The following CNTN5 variants were observed in gnomAD, a reference collection of about 807,000 sequenced individuals.
The protein encoded by CNTN5 is contactin 5.
In CNTN5, 77 loss-of-function variants were observed where a neutral mutation model predicts 129.1. That is an observed-to-expected ratio of 0.60 (90% CI 0.50 to 0.72). The LOEUF (loss-of-function observed/expected upper bound fraction) is 0.72. CNTN5 is among the 30% of genes least tolerant of loss of function. CNTN5 has a pLI of 0.00. For missense variants in CNTN5, 1,478 were observed against 1,328.8 expected, an observed-to-expected ratio of 1.11 and a Z score of -1.75; for synonymous variants, 509 against 465.6, an observed-to-expected ratio of 1.09 and a Z score of -1.20.
chr11:99,159,642 A>G (rs1860508829), intron 1 of CNTN5, among the ~76,000 whole-genome samples: 1 of 152,288 alleles, frequency 6.6e-6, no homozygotes, highest in Middle Eastern at 3.4e-3. Flanking sequence ...TAAATAAACA[A>G]ATAAAGTATA....
At chr11:99,852,033 A>C (rs1947889730) in intron 6 of CNTN5, among the ~76,000 whole-genome samples, 1 of 152,222 alleles carries the variant, frequency 6.6e-6, no homozygotes, top group South Asian at 2.1e-4. Context: ...AACTTTATTA[A>C]ATCATTTGAA....
intron 8 of CNTN5, among the ~76,000 whole-genome samples, chr11:99,958,330 G>T (rs1322074684): frequency 1.3e-5 from 2 of 152,220 alleles, no homozygotes; most frequent in African/African-American, 4.8e-5. Context: ...TTTGGAGTAG[G>T]TGGAGGCTAG....
At chr11:100,080,779 A>G (rs1267010248) in intron 13 of CNTN5, among the ~76,000 whole-genome samples, 1 of 152,134 alleles carries the variant, frequency 6.6e-6, no homozygotes, top group Non-Finnish European at 1.5e-5. Flanking sequence ...GTGTGTAAGA[A>G]ATTGTATAAT....
intron 15 of CNTN5, among the ~76,000 whole-genome samples, chr11:100,194,300 A>G (rs114515600): frequency 0.012 from 1,815 of 152,032 alleles, 39 homozygotes; most frequent in African/African-American, 0.041. Context: ...CCTTCCCCAC[A>G]TGGACTTATT....
chr11:99,861,017 G>A (rs1475372788), intron 6 of CNTN5, among the ~76,000 whole-genome samples: 15 of 144,258 alleles, frequency 1.0e-4, no homozygotes, highest in African/African-American at 2.1e-4. Context: ...GTGCAGTGGC[G>A]CAATCTCATC....
intron 7 of CNTN5, among the ~76,000 whole-genome samples, chr11:99,930,241 A>T (rs920881757): frequency 2.0e-5 from 3 of 152,106 alleles, no homozygotes; most frequent in African/African-American, 7.2e-5. Context: ...TTTGCTCCTT[A>T]CTGCATATGC....
At chr11:99,873,605 A>G (rs987440773) in intron 6 of CNTN5, among the ~76,000 whole-genome samples, 6 of 152,126 alleles carry the variant, frequency 3.9e-5, no homozygotes, top group Non-Finnish European at 8.8e-5. Context: ...ACACTCATAC[A>G]CTGTTGGTAG....
chr11:99,852,355 T>C (rs1947899168), intron 6 of CNTN5, among the ~76,000 whole-genome samples: 1 of 152,222 alleles, frequency 6.6e-6, no homozygotes, highest in South Asian at 2.1e-4. Flanking sequence ...TACTTTAAAA[T>C]ACTGTATAGA....
intron 4 of CNTN5, among the ~76,000 whole-genome samples, chr11:99,828,023 T>C (rs1028854405): frequency 3.3e-5 from 5 of 152,022 alleles, no homozygotes; most frequent in Non-Finnish European, 7.4e-5. Context: ...AAGAGAGTTA[T>C]TGTTTTAATC....
At chr11:100,274,308 A>G (rs1471942478) in intron 18 of CNTN5, among the ~76,000 whole-genome samples, 3 of 152,214 alleles carry the variant, frequency 2.0e-5, no homozygotes, top group African/African-American at 7.2e-5. Context: ...GGTCATAGGA[A>G]CAGGCAAAGA....
At chr11:99,056,009 G>T (rs769936690) in intron 1 of CNTN5, among the ~76,000 whole-genome samples, 4 of 151,872 alleles carry the variant, frequency 2.6e-5, no homozygotes, top group African/African-American at 7.2e-5. Flanking sequence ...TAAGGGCCTC[G>T]TGGCTTTAAA....
At chr11:99,820,617 T>C (rs556931249) in intron 4 of CNTN5, among the ~76,000 whole-genome samples, 1 of 29,504 alleles carries the variant, frequency 3.4e-5, no homozygotes, top group South Asian at 7.4e-4. Context: ...TACTAGTCTC[T>C]ATCCAGTCTA....
chr11:100,198,167 A>G (rs1218913413), intron 15 of CNTN5, among the ~76,000 whole-genome samples: 1 of 151,976 alleles, frequency 6.6e-6, no homozygotes, highest in Non-Finnish European at 1.5e-5. Flanking sequence ...AAATAAAAAT[A>G]AAAGGAAGGT....
chr11:99,085,493 AAG>A (rs781487479), intron 1 of CNTN5, among the ~76,000 whole-genome samples: 12 of 151,532 alleles, frequency 7.9e-5, no homozygotes, highest in Non-Finnish European at 5.9e-5. Flanking sequence ...GGTGCCTTGT[AAG>A]AGTTTTTCTA....
At chr11:100,135,964 A>G (rs1189418734) in intron 13 of CNTN5, among the ~76,000 whole-genome samples, 2 of 152,108 alleles carry the variant, frequency 1.3e-5, no homozygotes, top group Non-Finnish European at 2.9e-5. Flanking sequence ...AATTTATTGA[A>G]TACTGGTACA....
At position 100,168,103 on chromosome 11, in the gene CNTN5, A is replaced by T. The variant is rs147198151; in HGVS notation, c.1581-23023A>T. On this transcript the variant is annotated intron_variant, in intron 13 of 24. Transcript: ENST00000524871. ...AGGTGAGGAAGCTGTAGAAAAAAAA[A>T]TTTTGAACCTTGAAGAGGTTGGTTC... Among the ~76,000 whole-genome samples the T allele has an allele frequency of 7.4e-4, 112 of 152,038 alleles. 3 individuals carry two copies. The East Asian group carries it at 0.016, about 22-fold the overall frequency.
intron 13 of CNTN5, among the ~76,000 whole-genome samples, chr11:100,080,141 A>G (rs1944304613): frequency 6.6e-6 from 1 of 152,158 alleles, no homozygotes; most frequent in Non-Finnish European, 1.5e-5. Flanking sequence ...ATTATTCACA[A>G]TTATTGAAAT....
At chr11:100,005,757 G>A (rs527684320) in intron 9 of CNTN5, among the ~76,000 whole-genome samples, 12 of 152,160 alleles carry the variant, frequency 7.9e-5, no homozygotes, top group African/African-American at 2.6e-4. Context: ...CTAGGGCAAA[G>A]GATGGAGTGA....
chr11:99,392,319 C>T (rs1375421394), intron 2 of CNTN5, among the ~76,000 whole-genome samples: 1 of 151,564 alleles, frequency 6.6e-6, no homozygotes, highest in East Asian at 1.9e-4. Flanking sequence ...TGGAAGAGGA[C>T]AATAGCAAAA....
Sources: allele counts gnomAD v4.1 joint callset (sites outside exome capture counted in the v4.1 genomes callset), GRCh38; gene constraint gnomAD v4.1.1; transcripts MANE v1.5; gene names NCBI Gene and HGNC (gene_info 2026-07-23, HGNC 2026-07-21).